Variants in KAT2B observed in about 807,000 individuals in gnomAD.
The protein encoded by KAT2B is histone acetyltransferase KAT2B.
Under a neutral mutation model 105.9 loss-of-function variants are expected in KAT2B, and 36 were observed. The ratio of observed to expected loss-of-function variants is 0.34; its 90% CI spans 0.26 to 0.45. The LOEUF (loss-of-function observed/expected upper bound fraction) is 0.45. Ranked by LOEUF, KAT2B falls within the 20% of genes least tolerant of loss-of-function variation. The pLI is 1.00. For missense variants in KAT2B, 820 were observed against 1,021.6 expected (o/e 0.80, Z 2.69); for synonymous variants, 397 against 377.9 (o/e 1.05, Z -0.59).
intron 3 of KAT2B, 77 bp from the exon 4 acceptor site, chr3:20,099,783 GAA>G (rs1698876840): frequency 4.2e-6 from 3 of 711,318 alleles, no homozygotes; most frequent in Non-Finnish European, 7.4e-6. Context: ...GAGACAGACA[GAA>G]ACAGAAGAGA....
At chr3:20,137,125 A>C in intron 12 of KAT2B, 73 bp downstream of exon 12, 1 of 771,864 alleles carries the variant, frequency 1.3e-6, no homozygotes, top group Non-Finnish European at 2.3e-6. Flanking sequence ...GTTCTTCCAA[A>C]TAAGTTTCTC....
chr3:20,144,382 G>A (rs1014195402), intron 13 of KAT2B, among the ~76,000 whole-genome samples: 3 of 144,368 alleles, frequency 2.1e-5, no homozygotes, highest in African/African-American at 7.7e-5. Flanking sequence ...TCTGCCTCCT[G>A]GGTTCGCACC....
chr3:20,042,020 T>C (rs1697728433), intron 1 of KAT2B, among the ~76,000 whole-genome samples: 1 of 152,176 alleles, frequency 6.6e-6, no homozygotes, highest in South Asian at 2.1e-4. Flanking sequence ...TCAATAAATA[T>C]TTGTTGAGTG....
At chr3:20,063,215 G>C (rs1698166854) in intron 1 of KAT2B, among the ~76,000 whole-genome samples, 1 of 151,942 alleles carries the variant, frequency 6.6e-6, no homozygotes, top group South Asian at 2.1e-4. Context: ...CTGCAGGCGT[G>C]CACCACTATG....
chr3:20,051,228 A>T (rs114109630), intron 1 of KAT2B, among the ~76,000 whole-genome samples: 3 of 151,264 alleles, frequency 2.0e-5, no homozygotes, highest in African/African-American at 7.3e-5. Flanking sequence ...AAACAAAAAA[A>T]ACAAATCAAG....
chr3:20,146,667 C>CTTA (rs201288517), intron 14 of KAT2B: 1 of 271,268 alleles, frequency 3.7e-6, no homozygotes, highest in East Asian at 5.5e-5. Flanking sequence ...ATATCCACCA[C>CTTA]TTAATGAGTC....
rs1446544638 is a variant in KAT2B at position 20,136,983 on chromosome 3, C to T, written c.1791C>T (p.His597=). ...THLMNHLKEY[H]IKHDILNFLT... is the part of the protein sequence containing the mutation. ...TGATGAATCATTTGAAAGAATATCACATAAAGCATGACATCCTGAACTTCC... is the reference window on the plus strand; with the variant it reads ...TGATGAATCATTTGAAAGAATATCATATAAAGCATGACATCCTGAACTTCC... The change falls in exon 12 of 18, where the codon CAC becomes CAT. Residue 597 remains histidine, a synonymous_variant. Transcript: ENST00000263754. 1 of 1,609,770 alleles carries T rather than the reference C, an allele frequency of 6.2e-7. No homozygotes were observed. The highest frequency in any genetic ancestry group is 1.1e-5 in the South Asian group (1 of 90,962).
chr3:20,121,729 CATATGTGTGT>C lies in KAT2B; in HGVS notation c.1277-938_1277-929del, dbSNP rs1479091748. On this transcript the variant is annotated intron_variant, in intron 8 of 17. Coordinates refer to ENST00000263754, the MANE Select transcript of KAT2B (RefSeq NM_003884.5). ...ATATATATGCATACATACACATATG[CATATGTGTGT>C]GTGTGTGTGTGTGTGTGTGTGTGTG... 9.6e-3 allele frequency among the ~76,000 whole-genome samples: 1,159 copies of C among 120,364 alleles called. 18 individuals carry two copies. Among genetic ancestry groups the C allele is most frequent in the African/African-American group, 0.036 (1,066 of 29,414 alleles). The allele number at this position is 120,364 out of a possible 152,430, so 79.0% of individuals were successfully genotyped here.
chr3:20,094,767 CT>C (rs1189123906), intron 2 of KAT2B, among the ~76,000 whole-genome samples: 2 of 152,114 alleles, frequency 1.3e-5, no homozygotes, highest in East Asian at 3.9e-4. Context: ...GGCCTTCAGT[CT>C]TTACACTGTC....
At chr3:20,144,281 T>G (rs1402734354) in intron 13 of KAT2B, among the ~76,000 whole-genome samples, 1 of 55,780 alleles carries the variant, frequency 1.8e-5, no homozygotes, top group African/African-American at 7.4e-5. Flanking sequence ...GGATTCTTTT[T>G]TTTTTTTTTT....
At chr3:20,107,009 ATATATAT>A (rs1699029090) in intron 5 of KAT2B, among the ~76,000 whole-genome samples, 1 of 24,648 alleles carries the variant, frequency 4.1e-5, no homozygotes, top group African/African-American at 1.9e-4. Flanking sequence ...ATATATATAT[ATATATAT>A]TTTTTTTTTT....
Position 20,122,799 on chromosome 3 carries a change from C to G in KAT2B, c.1408C>G (p.Pro470Ala), listed in dbSNP as rs760495333. The change falls in exon 9 of 18, where the codon CCA becomes GCA. Residue 470 changes from proline to alanine, a missense_variant. Pro to Ala is a conservative substitution (Grantham distance 27, BLOSUM62 -1). Coordinates refer to ENST00000263754, the MANE Select transcript of KAT2B (RefSeq NM_003884.5). The part of the protein sequence containing the change: ...TITDPAAMLG[P>A]ETNFLSAHSA... ...CACGGACCCTGCAGCAATGCTTGGA[C>G]CAGAGGTCAGCAGGGTAAACCTGGG... 8.1e-6 allele frequency: 13 copies of G among 1,611,646 alleles called. No individual in the cohort carries two copies. In the East Asian group the frequency reaches 2.2e-4, roughly 28 times the overall value.
At chr3:20,144,413 C>T (rs1200684378) in intron 13 of KAT2B, among the ~76,000 whole-genome samples, 24 of 150,524 alleles carry the variant, frequency 1.6e-4, no homozygotes, top group African/African-American at 5.6e-4. Context: ...CTCAGCCTCC[C>T]GAGTAGCTGG....
chr3:20,054,641 G>A (rs892939158), intron 1 of KAT2B, among the ~76,000 whole-genome samples: 1 of 152,196 alleles, frequency 6.6e-6, no homozygotes, highest in Non-Finnish European at 1.5e-5. Flanking sequence ...TGTGTGGTAT[G>A]CAGGAGGTTC....
chr3:20,087,449 A>T (rs925894661), intron 2 of KAT2B, among the ~76,000 whole-genome samples: 22 of 152,198 alleles, frequency 1.4e-4, no homozygotes, highest in African/African-American at 5.3e-4. Flanking sequence ...ATATATTATA[A>T]AATGATTAAA....
In KAT2B at chr3:20,140,325, G is replaced by T. The variant is rs142548774; in HGVS notation, c.1965G>T (p.Pro655=). ...GATGTGAGCTAAATCCACGGATCCC[G>T]TACACAGAATTTTCTGTCATCATTA... The part of the protein sequence containing the change: ...LMGCELNPRI[P]YTEFSVIIKK... Residue 655 remains proline (P), a synonymous_variant, in exon 13 of 18, where the codon CCG becomes CCT. Coordinates refer to ENST00000263754, the MANE Select transcript of KAT2B (RefSeq NM_003884.5). 12 of 1,613,772 alleles carry T rather than the reference G, an allele frequency of 7.4e-6. No homozygotes were observed. The South Asian group carries it at 7.7e-5, about 10-fold the overall frequency.
chr3:20,118,443 G>T (rs1259639230), intron 7 of KAT2B, among the ~76,000 whole-genome samples: 1 of 149,974 alleles, frequency 6.7e-6, no homozygotes, highest in Non-Finnish European at 1.5e-5. Flanking sequence ...TAGGCCAGGC[G>T]TGGTGGCTGA....
intron 5 of KAT2B, among the ~76,000 whole-genome samples, chr3:20,107,352 C>T (rs1420451419): frequency 3.4e-5 from 5 of 148,986 alleles, no homozygotes; most frequent in African/African-American, 1.2e-4. Flanking sequence ...TATTTTTTAC[C>T]CAATATATAA....
chr3:20,076,649 T>G (rs1296567066), intron 2 of KAT2B, among the ~76,000 whole-genome samples: 1 of 152,218 alleles, frequency 6.6e-6, no homozygotes, highest in Non-Finnish European at 1.5e-5. Context: ...ATTTGCCAAT[T>G]TTGTTGTATC....
Sources: gnomAD v4.1 joint callset for allele counts (sites outside exome capture counted in the v4.1 genomes callset) on GRCh38, gnomAD v4.1.1 for gene constraint, MANE v1.5 for transcripts, NCBI Gene and HGNC (gene_info 2026-07-23, HGNC 2026-07-21) for gene names.